Variants in C1orf159 observed in about 807,000 individuals in gnomAD.
C1orf159 encodes chromosome 1 open reading frame 159.
Under a neutral mutation model 25.6 loss-of-function variants are expected in C1orf159, and 19 were observed. That is an observed-to-expected ratio of 0.74 (90% CI 0.52 to 1.09). The LOEUF is 1.09. Among genes scored for constraint, C1orf159 ranks in the 50% least tolerant of loss-of-function variants. The probability of loss-of-function intolerance (pLI) is 0.00; values close to 1 mark genes in which losing one functional copy is unlikely to be tolerated. For missense variants in C1orf159, 274 were observed against 290.6 expected (o/e 0.94, Z 0.42); for synonymous variants, 139 against 124.7 (o/e 1.12, Z -0.77).
intron 1 of C1orf159, among the ~76,000 whole-genome samples, chr1:1,107,078 C>G (rs1646185015): frequency 6.6e-6 from 1 of 152,216 alleles, no homozygotes; most frequent in Non-Finnish European, 1.5e-5. Flanking sequence ...GCCCGAGCCT[C>G]CCCAACGGGC....
chr1:1,113,744 G>T (rs1284399442), intron 1 of C1orf159, among the ~76,000 whole-genome samples: 1 of 152,198 alleles, frequency 6.6e-6, no homozygotes, highest in African/African-American at 2.4e-5. Flanking sequence ...GAGAGATCAA[G>T]TGCGCAGTTT....
At chr1:1,095,624 A>G (rs908165524) in intron 1 of C1orf159, among the ~76,000 whole-genome samples, 1 of 152,210 alleles carries the variant, frequency 6.6e-6, no homozygotes, top group Non-Finnish European at 1.5e-5. Flanking sequence ...AATACAGTTT[A>G]CTTCTTCCTT....
intron 1 of C1orf159, among the ~76,000 whole-genome samples, chr1:1,101,325 A>C (rs977036458): frequency 6.6e-6 from 1 of 152,072 alleles, no homozygotes; most frequent in Non-Finnish European, 1.5e-5. Flanking sequence ...TCTACTAAAA[A>C]TACAAAAATT....
intron 1 of C1orf159, among the ~76,000 whole-genome samples, chr1:1,103,515 C>T (rs973681121): frequency 2.6e-5 from 4 of 152,232 alleles, no homozygotes; most frequent in South Asian, 2.1e-4. Flanking sequence ...AAACTGCAAA[C>T]GCTGTCACAC....
intron 1 of C1orf159, among the ~76,000 whole-genome samples, chr1:1,098,131 C>T (rs577949741): frequency 5.9e-5 from 9 of 151,854 alleles, no homozygotes; most frequent in South Asian, 2.1e-4. Context: ...TGCAGTGGTG[C>T]GATCTTGGCT....
At chr1:1,111,098 C>A (rs1478519327) in intron 1 of C1orf159, among the ~76,000 whole-genome samples, 4 of 152,196 alleles carry the variant, frequency 2.6e-5, no homozygotes, top group Non-Finnish European at 5.9e-5. Flanking sequence ...TAAACACATG[C>A]ATTTTCTATT....
rs979440514 is a variant in C1orf159 at position 1,091,579 on chromosome 1, G to A, written c.-22-14C>T. 6 of 1,530,136 alleles carry A rather than the reference G, an allele frequency of 3.9e-6. No individual in the cohort carries two copies. The African/African-American group carries it at 6.9e-5, about 18-fold the overall frequency. 94.8% of individuals were successfully genotyped at this position (1,530,136 alleles called of 1,614,324 possible). A position where few individuals can be genotyped will look rare whatever the true frequency, so the allele number is the denominator to read the frequency against. ...GATGCGCAGAGCCTGCCACAGGGAG[G>A]AGCATGCGGAGCCAAAGAGATGGAG... On this transcript the variant is annotated splice_polypyrimidine_tract_variant and intron_variant, in intron 2 of 9. Transcript: ENST00000421241.
intron 3 of C1orf159, chr1:1,090,852 G>C: frequency 6.5e-7 from 1 of 1,533,594 alleles, no homozygotes; most frequent in Non-Finnish European, 8.8e-7. Flanking sequence ...GTACTGCACA[G>C]GTGCGCTGGG....
chr1:1,099,645 ATC>A (rs1646069183), intron 1 of C1orf159, among the ~76,000 whole-genome samples: 5 of 151,378 alleles, frequency 3.3e-5, no homozygotes, highest in Admixed American at 3.3e-4. Context: ...AGAGGTTAAA[ATC>A]TCTGACTATG....
At chr1:1,091,142 C>T (rs910466609) in intron 3 of C1orf159, 5 of 636,646 alleles carry the variant, frequency 7.9e-6, no homozygotes, top group African/African-American at 5.5e-5. Context: ...AGTCTGGAGC[C>T]GCCGCAGCTA....
At chr1:1,114,379 A>G (rs1045183853) in intron 1 of C1orf159, among the ~76,000 whole-genome samples, 1 of 152,068 alleles carries the variant, frequency 6.6e-6, no homozygotes, top group Non-Finnish European at 1.5e-5. Flanking sequence ...AGGTCTCCCT[A>G]TGTTGCCCAG....
chr1:1,087,759 C>G lies in C1orf159; in HGVS notation c.149-162G>C, dbSNP rs576407893. 53 of 621,820 alleles carry G rather than the reference C, an allele frequency of 8.5e-5. No homozygotes were observed. In the East Asian group the frequency reaches 1.4e-3, roughly 17 times the overall value. 38.5% of individuals were successfully genotyped at this position (621,820 alleles called of 1,614,324 possible). A position where few individuals can be genotyped will look rare whatever the true frequency, so the allele number is the denominator to read the frequency against. ...GGCAGACAAGGACACCCCCAGGGAG[C>G]ATGGCGGGGCCGTGAGCACCCCACG... On this transcript the variant is annotated intron_variant, in intron 4 of 9. Coordinates refer to ENST00000421241, the MANE Select transcript of C1orf159 (RefSeq NM_017891.5). This position sits in a 1 kb window ranked among gnomAD's most constrained non-coding sequence, Gnocchi z 8.3.
intron 1 of C1orf159, among the ~76,000 whole-genome samples, chr1:1,105,657 G>A (rs1646160757): frequency 6.6e-6 from 1 of 152,212 alleles, no homozygotes; most frequent in Non-Finnish European, 1.5e-5. Flanking sequence ...CGAGGTGGGT[G>A]GATCACGAGG....
At chr1:1,083,839 T>C (rs989757105) in intron 9 of C1orf159, 3 of 1,358,390 alleles carry the variant, frequency 2.2e-6, no homozygotes, top group South Asian at 1.3e-5. Flanking sequence ...GCCCTGCTCA[T>C]GGCCTTGGAG....
At chr1:1,091,871 G>A in intron 2 of C1orf159, 120 bp downstream of exon 2, 1 of 480,534 alleles carries the variant, frequency 2.1e-6, no homozygotes, top group South Asian at 1.8e-5. Context: ...ATGGGGCAGG[G>A]CCGTGGCAGG....
At chr1:1,085,820 G>A (rs1160594092) in intron 7 of C1orf159, 58 bp downstream of exon 7, 26 of 1,597,246 alleles carry the variant, frequency 1.6e-5, no homozygotes, top group Admixed American at 3.4e-5. Context: ...CCATCTCCAC[G>A]GCTGGATGCC....
intron 7 of C1orf159, among the ~76,000 whole-genome samples, chr1:1,084,865 C>A (rs2100740276): frequency 6.6e-6 from 1 of 152,216 alleles, no homozygotes; most frequent in East Asian, 1.9e-4. Context: ...GGGCTGCCCT[C>A]CCACCCTCCC....
At chr1:1,111,400 T>A (rs1570342197) in intron 1 of C1orf159, among the ~76,000 whole-genome samples, 3 of 147,920 alleles carry the variant, frequency 2.0e-5, no homozygotes, top group Admixed American at 2.0e-4. Flanking sequence ...CTGGGCTTGG[T>A]GACGTATACT....
At chr1:1,099,084 T>C (rs1051647873) in intron 1 of C1orf159, among the ~76,000 whole-genome samples, 3 of 152,204 alleles carry the variant, frequency 2.0e-5, no homozygotes, top group Admixed American at 2.0e-4. Context: ...TGGTCTATTC[T>C]AAGAATCGGA....
Sources: gnomAD v4.1 joint callset for allele counts (sites outside exome capture counted in the v4.1 genomes callset) on GRCh38, gnomAD v4.1.1 for gene constraint, Gnocchi (gnomAD v3.1) non-coding constraint, MANE v1.5 for transcripts, NCBI Gene and HGNC (gene_info 2026-07-23, HGNC 2026-07-21) for gene names.